Variants in PDPR observed in about 807,000 individuals in gnomAD.
The protein encoded by PDPR is pyruvate dehydrogenase phosphatase regulatory subunit.
In PDPR, 50 loss-of-function variants were observed where a neutral mutation model predicts 102.2. The observed-to-expected ratio is 0.49, with a 90% confidence interval of 0.39 to 0.62. The LOEUF (loss-of-function observed/expected upper bound fraction) is 0.62. Ranked by LOEUF, PDPR falls within the 20% of genes least tolerant of loss-of-function variation. PDPR has a pLI of 0.00. For missense variants in PDPR, 625 were observed against 1,098.2 expected, an observed-to-expected ratio of 0.57 and a Z score of 6.09; for synonymous variants, 259 against 406.0, an observed-to-expected ratio of 0.64 and a Z score of 4.35.
At position 70,153,471 on chromosome 16, in the gene PDPR, C is replaced by T. The variant is rs1966849497; in HGVS notation, c.2133C>T (p.Arg711=). 1 of 1,613,706 alleles carries T rather than the reference C, an allele frequency of 6.2e-7. No homozygotes were observed. Among genetic ancestry groups the T allele is most frequent in the Non-Finnish European group, 8.5e-7 (1 of 1,179,778 alleles). Residue 711 remains arginine, a synonymous_variant, in exon 18 of 19, where the codon CGC becomes CGT. Coordinates refer to ENST00000288050, the MANE Select transcript of PDPR (RefSeq NM_017990.5). The stretch of plus-strand genomic sequence containing the variant: ...GGAATGCTGGGTATTACGCTCTTCG[C>T]AGTCTCCGAATTGAGAAGTTTTTTG... ...GIRNAGYYAL[R]SLRIEKFFAF... is the part of the protein sequence containing the mutation.
intron 13 of PDPR, among the ~76,000 whole-genome samples, chr16:70,143,187 CA>C (rs375737516): frequency 6.1e-4 from 87 of 143,182 alleles, no homozygotes; most frequent in Admixed American, 1.8e-3. Context: ...GACTCCATCT[CA>C]AAAAAAAAAA....
At chr16:70,143,720 A>G in intron 14 of PDPR, 62 bp downstream of exon 14, 1 of 1,558,674 alleles carries the variant, frequency 6.4e-7, no homozygotes, top group South Asian at 1.2e-5. Context: ...GGGGTGCTGT[A>G]GCAGAGGCTC....
chr16:70,145,121 T>C (rs71384761), intron 15 of PDPR, among the ~76,000 whole-genome samples: 1 of 152,004 alleles, frequency 6.6e-6, no homozygotes, highest in Non-Finnish European at 1.5e-5. Context: ...GACATGGTGG[T>C]GCATGCCTGT....
chr16:70,157,039 T>C lies in PDPR; in HGVS notation c.*160T>C. ...TTGAACTTGACCTACTTTAAACTTT[T>C]TTGCTCTGCAGCCTTCCTTGCCCTT... is the stretch of plus-strand genomic sequence containing the variant. On this transcript the variant is annotated 3_prime_UTR_variant, in exon 19 of 19. Transcript: ENST00000288050. 3.7e-6 allele frequency: 4 copies of C among 1,093,652 alleles called. No individual in the cohort carries two copies. Among genetic ancestry groups the C allele is most frequent in the Non-Finnish European group, 5.4e-6 (4 of 742,642 alleles). The allele number at this position is 1,093,652 out of a possible 1,614,324, so 67.7% of individuals were successfully genotyped here.
intron 2 of PDPR, among the ~76,000 whole-genome samples, chr16:70,116,298 A>T (rs1159027819): frequency 7.5e-6 from 1 of 133,988 alleles, no homozygotes; most frequent in Non-Finnish European, 1.6e-5. Context: ...GCTGGTCTCA[A>T]ACTCCTGACC....
At chr16:70,123,654 G>A (rs1236044209) in intron 3 of PDPR, among the ~76,000 whole-genome samples, 1 of 152,274 alleles carries the variant, frequency 6.6e-6, no homozygotes, top group African/African-American at 2.4e-5. Flanking sequence ...ATGTTTCTAA[G>A]TGGGAGACCC....
At chr16:70,120,183 G>A in intron 2 of PDPR, 1 of 306,512 alleles carries the variant, frequency 3.3e-6, no homozygotes, top group South Asian at 3.1e-5. Context: ...CCAAAGTGCT[G>A]GGATTACAGG....
At chr16:70,138,165 C>T (rs1597345415) in intron 10 of PDPR, among the ~76,000 whole-genome samples, 2 of 150,832 alleles carry the variant, frequency 1.3e-5, no homozygotes, top group African/African-American at 4.9e-5. Flanking sequence ...CCTCAGCCTC[C>T]CGAGTAGCTG....
chr16:70,128,034 A>C (rs1489677129), intron 4 of PDPR, among the ~76,000 whole-genome samples: 1 of 152,246 alleles, frequency 6.6e-6, no homozygotes, highest in African/African-American at 2.4e-5. Context: ...TGATTGGATA[A>C]GCTTAGGTCA....
At chr16:70,115,881 C>G (rs1466872309) in intron 2 of PDPR, among the ~76,000 whole-genome samples, 1 of 152,128 alleles carries the variant, frequency 6.6e-6, no homozygotes. Flanking sequence ...TCTCCCCTGG[C>G]TTTACCTCCT....
chr16:70,123,438 T>A (rs2869117), intron 3 of PDPR, among the ~76,000 whole-genome samples: 8 of 151,934 alleles, frequency 5.3e-5, no homozygotes, highest in East Asian at 3.9e-4. Flanking sequence ...TGATTTCACC[T>A]TGTTGTCCAG....
At chr16:70,130,642 A>T in intron 7 of PDPR, 98 bp downstream of exon 7, 1 of 1,474,954 alleles carries the variant, frequency 6.8e-7, no homozygotes, top group Non-Finnish European at 9.3e-7. Context: ...GGTTATACAG[A>T]TATCAGTAAC....
At chr16:70,141,088 C>T (rs1254434195) in intron 11 of PDPR, among the ~76,000 whole-genome samples, 1 of 152,122 alleles carries the variant, frequency 6.6e-6, no homozygotes, top group African/African-American at 2.4e-5. Flanking sequence ...CAGTCTTGCT[C>T]TATTGCCCAG....
intron 6 of PDPR, among the ~76,000 whole-genome samples, 176 bp downstream of exon 6, chr16:70,129,298 C>T (rs1277486396): frequency 1.3e-5 from 2 of 152,282 alleles, no homozygotes; most frequent in Non-Finnish European, 2.9e-5. Context: ...AGTGTTTTCC[C>T]TCAGGGCCAC....
chr16:70,128,575 A>C, intron 4 of PDPR, among the ~76,000 whole-genome samples: 1 of 152,264 alleles, frequency 6.6e-6, no homozygotes, highest in Non-Finnish European at 1.5e-5. Flanking sequence ...TGAGCTGAGA[A>C]TGTTTGGTCA....
intron 17 of PDPR, among the ~76,000 whole-genome samples, chr16:70,152,950 A>C (rs887304118): frequency 3.3e-4 from 51 of 152,378 alleles, no homozygotes; most frequent in Non-Finnish European, 6.9e-4. Context: ...GCTGGGCCTC[A>C]CAGCTTGGGC....
rs1254112906 is a variant in PDPR at position 70,159,845 on chromosome 16, C to T, written c.*2966C>T. On this transcript the variant is annotated 3_prime_UTR_variant, in exon 19 of 19. Transcript: ENST00000288050. The stretch of plus-strand genomic sequence containing the variant: ...AGGAATAAGGAGGGACAACCACAGC[C>T]TCCTCATCCATGTGTCATTTCCAAG... 5 of 153,116 alleles carry T rather than the reference C, an allele frequency of 3.3e-5. No homozygotes were observed. Among genetic ancestry groups the T allele is most frequent in the Non-Finnish European group, 5.8e-5 (4 of 68,654 alleles). The allele number at this position is 153,116 out of a possible 1,614,324, so 9.5% of individuals were successfully genotyped here. A position where few individuals can be genotyped will look rare whatever the true frequency, so the allele number is the denominator to read the frequency against.
Position 70,127,260 on chromosome 16 carries a change from G to A in PDPR, c.228G>A (p.Arg76=), listed in dbSNP as rs769055123. ...ATAGCATTTTGCATCCATCCTGCAG[G>A]CTGGCTGCTGGCTCTACCAGGTTCT... The part of the protein sequence containing the change: ...WKDIVLLEQG[R]LAAGSTRFCA... Residue 76 remains arginine (R), a splice_region_variant and synonymous_variant, in exon 4 of 19, where the codon AGG becomes AGA. Coordinates refer to ENST00000288050, the MANE Select transcript of PDPR (RefSeq NM_017990.5). 3.4e-5 allele frequency: 54 copies of A among 1,592,108 alleles called. No homozygotes were observed. In the East Asian group the frequency reaches 5.2e-4, roughly 15 times the overall value.
In PDPR at chr16:70,156,904, T is replaced by G. The variant is rs1405841336; in HGVS notation, c.*25T>G. The G allele has an allele frequency of 2.7e-5, 44 of 1,607,716 alleles. No homozygotes were observed. Among genetic ancestry groups the G allele is most frequent in the Non-Finnish European group, 3.5e-5 (41 of 1,177,038 alleles). On this transcript the variant is annotated 3_prime_UTR_variant, in exon 19 of 19. Transcript: ENST00000288050. ...ATGCCACCAGGGCAGCCTCACCTCC[T>G]CCCCATCATCTTGTCCTAGAGTGGG...
Sources: allele counts gnomAD v4.1 joint callset (sites outside exome capture counted in the v4.1 genomes callset), GRCh38; gene constraint gnomAD v4.1.1; transcripts MANE v1.5; gene names NCBI Gene and HGNC (gene_info 2026-07-23, HGNC 2026-07-21).